ZDHHC17: variants seen among roughly 807,000 people sequenced by gnomAD.
The protein encoded by ZDHHC17 is palmitoyltransferase ZDHHC17.
In ZDHHC17, 40 loss-of-function variants were observed where a neutral mutation model predicts 90.3. The ratio of observed to expected loss-of-function variants is 0.44; its 90% CI spans 0.34 to 0.58. The LOEUF is 0.58. Among genes scored for constraint, ZDHHC17 ranks in the 20% least tolerant of loss-of-function variants. The probability of loss-of-function intolerance (pLI) is 0.01; values close to 1 mark genes in which losing one functional copy is unlikely to be tolerated. For missense variants in ZDHHC17, 614 were observed against 780.8 expected (o/e 0.79, Z 2.55); for synonymous variants, 235 against 252.4 (o/e 0.93, Z 0.65).
intron 1 of ZDHHC17, among the ~76,000 whole-genome samples, chr12:76,777,361 A>G (rs1952570538): frequency 6.6e-6 from 1 of 152,220 alleles, no homozygotes; most frequent in South Asian, 2.1e-4. Context: ...TGTGTGTATC[A>G]GTACCTTGTT....
chr12:76,804,733 G>C (rs1004748528), intron 2 of ZDHHC17, among the ~76,000 whole-genome samples: 12 of 152,214 alleles, frequency 7.9e-5, no homozygotes, highest in African/African-American at 2.9e-4. Flanking sequence ...GGAGCTGGGG[G>C]AGGGACTTGT....
chr12:76,839,115 C>T (rs1457213989), intron 10 of ZDHHC17, among the ~76,000 whole-genome samples: 1 of 152,138 alleles, frequency 6.6e-6, no homozygotes, highest in Non-Finnish European at 1.5e-5. Flanking sequence ...GGATTAGGCT[C>T]CCACCCTTAT....
intron 1 of ZDHHC17, chr12:76,769,335 C>T (rs995208432): frequency 2.5e-5 from 4 of 160,300 alleles, no homozygotes; most frequent in Non-Finnish European, 4.1e-5. Context: ...GCTGGGGTTA[C>T]AGGCATGAGC....
At chr12:76,778,632 C>T (rs909729569) in intron 1 of ZDHHC17, among the ~76,000 whole-genome samples, 4 of 152,212 alleles carry the variant, frequency 2.6e-5, no homozygotes, top group African/African-American at 9.7e-5. Context: ...AAATTTTTGA[C>T]ACTTTTTAAT....
Position 76,817,349 on chromosome 12 carries a change from T to A in ZDHHC17, c.771+1330T>A, listed in dbSNP as rs373127031. ...CTGAATTCAGAGTGTTACTACTTTT[T>A]TTTATCTTTGCTACCAGACAGCCAT... is the stretch of plus-strand genomic sequence containing the variant. On this transcript the variant is annotated intron_variant, in intron 7 of 16. Transcript: ENST00000426126. Among the ~76,000 whole-genome samples, 5 of 152,198 alleles carry A rather than the reference T, an allele frequency of 3.3e-5. No homozygotes were observed. In the East Asian group the frequency reaches 5.8e-4, roughly 18 times the overall value.
chr12:76,784,648 G>C (rs1952665132), intron 1 of ZDHHC17, among the ~76,000 whole-genome samples: 1 of 152,180 alleles, frequency 6.6e-6, no homozygotes, highest in South Asian at 2.1e-4. Context: ...AATTCTGACT[G>C]AAAAATTAAA....
At chr12:76,800,424 T>C (rs1009008232) in intron 2 of ZDHHC17, among the ~76,000 whole-genome samples, 1 of 152,236 alleles carries the variant, frequency 6.6e-6, no homozygotes, top group Non-Finnish European at 1.5e-5. Context: ...CATCCATTAT[T>C]GAGAGTTGTG....
At chr12:76,788,688 ATTTTTTTTTTTTTTT>A (rs763269507) in intron 1 of ZDHHC17, among the ~76,000 whole-genome samples, 2 of 98,648 alleles carry the variant, frequency 2.0e-5, no homozygotes, top group African/African-American at 8.0e-5. Context: ...TGGAATCGCA[ATTTTTTTTTTTTTTT>A]TTTTTTTTTT....
intron 7 of ZDHHC17, among the ~76,000 whole-genome samples, chr12:76,816,848 CA>C (rs1197500576): frequency 6.6e-6 from 1 of 151,990 alleles, no homozygotes; most frequent in Non-Finnish European, 1.5e-5. Flanking sequence ...AGTCTAATTA[CA>C]AACATTTAGT....
intron 10 of ZDHHC17, among the ~76,000 whole-genome samples, chr12:76,841,379 C>T (rs1010824006): frequency 1.3e-5 from 2 of 152,130 alleles, no homozygotes; most frequent in African/African-American, 4.8e-5. Flanking sequence ...ATGTATTGCT[C>T]TAGCGACATT....
chr12:76,805,526 C>A (rs1169549840), intron 3 of ZDHHC17, 87 bp downstream of exon 3: 4 of 1,141,978 alleles, frequency 3.5e-6, no homozygotes, highest in Non-Finnish European at 4.9e-6. Flanking sequence ...AAAACTAATA[C>A]TTTCTAAAAT....
At position 76,850,992 on chromosome 12, in the gene ZDHHC17, C is replaced by G; in HGVS notation, c.*7C>G. The G allele has an allele frequency of 1.9e-6, 3 of 1,613,772 alleles. No individual in the cohort carries two copies. The highest frequency in any genetic ancestry group is 2.5e-6 in the Non-Finnish European group (3 of 1,179,806). ...TGGGTACCAGCTGGTGTAGCGACAT[C>G]TTATCCTATGAAGCATATTGCTGAG... On this transcript the variant is annotated 3_prime_UTR_variant, in exon 17 of 17. Transcript: ENST00000426126.
intron 1 of ZDHHC17, among the ~76,000 whole-genome samples, chr12:76,787,617 C>CCTCT (rs3044465): frequency 1.5e-4 from 23 of 148,964 alleles, no homozygotes; most frequent in Admixed American, 3.3e-4. Flanking sequence ...TCTGTCTCTC[C>CCTCT]CTCTCTCTCT....
At chr12:76,815,410 T>C (rs1390182477) in intron 6 of ZDHHC17, among the ~76,000 whole-genome samples, 200 bp downstream of exon 6, 3 of 151,942 alleles carry the variant, frequency 2.0e-5, no homozygotes, top group African/African-American at 7.2e-5. Context: ...TTCCTTAATC[T>C]GTTTCTCTTT....
At chr12:76,810,238 A>AT (rs1346680266) in intron 5 of ZDHHC17, among the ~76,000 whole-genome samples, 1 of 152,124 alleles carries the variant, frequency 6.6e-6, no homozygotes, top group Non-Finnish European at 1.5e-5. Context: ...AGAGGGATAC[A>AT]TTTTTTAAGA....
rs760698226 is a variant in ZDHHC17, at chr12:76,764,192, T to C, written c.-45T>C. The stretch of plus-strand genomic sequence containing the variant: ...GCTCGCGCTCGCCCCGCGCTCGCCC[T>C]CCGCCTCGCCCGAGCCCCGGGAGGG... On this transcript the variant is annotated 5_prime_UTR_variant, in exon 1 of 17. Coordinates refer to ENST00000426126, the MANE Select transcript of ZDHHC17 (RefSeq NM_015336.4). The C allele has an allele frequency of 8.6e-7, 1 of 1,166,924 alleles. No homozygotes were observed. Among genetic ancestry groups the C allele is most frequent in the South Asian group, 1.4e-5 (1 of 72,546 alleles). 72.3% of individuals were successfully genotyped at this position (1,166,924 alleles called of 1,614,324 possible). A position where few individuals can be genotyped will look rare whatever the true frequency, so the allele number is the denominator to read the frequency against.
rs565341444 is a variant in ZDHHC17, at chr12:76,841,832, C to G, written c.1142-150C>G. On this transcript the variant is annotated intron_variant, in intron 10 of 16. Coordinates refer to ENST00000426126, the MANE Select transcript of ZDHHC17 (RefSeq NM_015336.4). ...TGATTTAAAATTTATAAAGAAGTCA[C>G]ATTATTTTTACATGTAGTTATAAAC... 21 of 482,424 alleles carry G rather than the reference C, an allele frequency of 4.4e-5. No homozygotes were observed. In the South Asian group the frequency reaches 2.2e-3, roughly 51 times the overall value. The allele number at this position is 482,424 out of a possible 1,614,324, so 29.9% of individuals were successfully genotyped here.
intron 1 of ZDHHC17, chr12:76,764,640 G>T (rs1952409786): frequency 2.0e-6 from 1 of 506,582 alleles, no homozygotes; most frequent in South Asian, 1.8e-5. Context: ...GGCCTGGTGT[G>T]GTTTTTGAAC....
intron 4 of ZDHHC17, 54 bp downstream of exon 4, chr12:76,809,174 T>C (rs1482707691): frequency 1.6e-6 from 2 of 1,250,028 alleles, no homozygotes; most frequent in Non-Finnish European, 2.2e-6. Flanking sequence ...AGTATATAAA[T>C]AAACAACTTT....
Sources: gnomAD v4.1 joint callset for allele counts (sites outside exome capture counted in the v4.1 genomes callset) on GRCh38, gnomAD v4.1.1 for gene constraint, MANE v1.5 for transcripts, NCBI Gene and HGNC (gene_info 2026-07-23, HGNC 2026-07-21) for gene names.